Variants in CCDC3 observed in about 807,000 individuals in gnomAD.
CCDC3 encodes the protein coiled-coil domain-containing protein 3.
CCDC3 carries 24 observed loss-of-function variants against 21.4 expected under a neutral mutation model. The ratio of observed to expected loss-of-function variants is 1.12; its 90% CI spans 0.81 to 1.58. CCDC3 has a LOEUF of 1.58. Ranked by LOEUF, CCDC3 falls within the 40% of genes most tolerant of loss-of-function variation. The pLI, the probability that CCDC3 is intolerant of heterozygous loss-of-function variation, is 0.00. For synonymous variants in CCDC3, 186 were observed against 166.0 expected (o/e 1.12, Z -0.93); for missense variants, 425 against 360.9 (o/e 1.18, Z -1.44).
intron 2 of CCDC3, among the ~76,000 whole-genome samples, chr10:12,911,885 T>G (rs1834276295): frequency 6.6e-6 from 1 of 152,220 alleles, no homozygotes; most frequent in Non-Finnish European, 1.5e-5. Flanking sequence ...ATTCTACATT[T>G]AAATATTAAT....
intron 2 of CCDC3, among the ~76,000 whole-genome samples, chr10:12,975,253 T>G (rs753824389): frequency 1.3e-5 from 2 of 152,090 alleles, no homozygotes; most frequent in Non-Finnish European, 2.9e-5. Flanking sequence ...TCTGCCCATT[T>G]CACAACACTG....
rs542981585 is a variant in CCDC3, at chr10:12,929,146, C to T, written c.550-30467G>A. Among the ~76,000 whole-genome samples the T allele has an allele frequency of 9.2e-5, 14 of 151,636 alleles. No individual in the cohort carries two copies. In the South Asian group the frequency reaches 2.5e-3, roughly 27 times the overall value. ...GCGCGATGGCAGGCACCTGTAATCC[C>T]AGCTACTTGGGAGGCTAAGGCAGGA... On this transcript the variant is annotated intron_variant, in intron 2 of 2. Transcript: ENST00000378825.
intron 5 of CCDC3, among the ~76,000 whole-genome samples, chr10:13,043,240 CCA>C (rs1206288028): frequency 1.3e-5 from 2 of 152,166 alleles, no homozygotes; most frequent in Admixed American, 6.5e-5. Context: ...CCAGGAGCCC[CCA>C]GTGTCTACTA....
chr10:12,931,332 A>G (rs1027202578), intron 2 of CCDC3, among the ~76,000 whole-genome samples: 5 of 152,090 alleles, frequency 3.3e-5, no homozygotes, highest in African/African-American at 1.2e-4. Context: ...TTAACTATTT[A>G]CAATGTACAG....
chr10:12,941,187 T>G (rs1375772553), intron 2 of CCDC3, among the ~76,000 whole-genome samples: 1 of 152,130 alleles, frequency 6.6e-6, no homozygotes, highest in Non-Finnish European at 1.5e-5. Context: ...CCTCTGGTGG[T>G]CCTCACTGCT....
intron 3 of CCDC3, among the ~76,000 whole-genome samples, chr10:13,097,594 C>T (rs551830794): frequency 1.3e-5 from 2 of 152,278 alleles, no homozygotes; most frequent in African/African-American, 4.8e-5. Context: ...TGTGGTGGCA[C>T]ACGCCTGTAA....
At chr10:13,048,928 T>C (rs940456114) in intron 5 of CCDC3, among the ~76,000 whole-genome samples, 2 of 152,166 alleles carry the variant, frequency 1.3e-5, no homozygotes, top group African/African-American at 4.8e-5. Context: ...ATATTTTCCA[T>C]TTTTCATTGC....
intron 2 of CCDC3, among the ~76,000 whole-genome samples, chr10:12,983,121 T>A (rs1347307898): frequency 6.6e-5 from 7 of 105,694 alleles, no homozygotes; most frequent in Admixed American, 1.0e-4. Context: ...AATAAATAAA[T>A]AAAATAGTGT....
At chr10:12,986,847 A>C (rs1225161998) in intron 2 of CCDC3, among the ~76,000 whole-genome samples, 3 of 152,238 alleles carry the variant, frequency 2.0e-5, no homozygotes, top group Non-Finnish European at 4.4e-5. Context: ...AAAATGTAAC[A>C]ATAATATAGC....
At chr10:13,048,393 C>T (rs906428592) in intron 5 of CCDC3, among the ~76,000 whole-genome samples, 22 of 152,026 alleles carry the variant, frequency 1.4e-4, no homozygotes, top group South Asian at 2.1e-4. Flanking sequence ...GGGGTTTCAC[C>T]ATGTTGGCCA....
At chr10:12,947,938 G>A (rs1167232860) in intron 2 of CCDC3, among the ~76,000 whole-genome samples, 1 of 152,180 alleles carries the variant, frequency 6.6e-6, no homozygotes, top group African/African-American at 2.4e-5. Context: ...GACCCAAGAT[G>A]TCTCACCTAT....
intron 5 of CCDC3, among the ~76,000 whole-genome samples, chr10:13,012,192 A>G (rs572866847): frequency 1.3e-5 from 2 of 152,358 alleles, no homozygotes; most frequent in Admixed American, 6.5e-5. Flanking sequence ...GCAAAAATTG[A>G]CAAATGAGAC....
At position 13,051,215 on chromosome 10, in the gene CCDC3, G is replaced by A. The variant is rs192556374; in HGVS notation, c.-269-1274C>T. Among the ~76,000 whole-genome samples, 6 of 151,440 alleles carry A rather than the reference G, an allele frequency of 4.0e-5. No homozygotes were observed. The East Asian group carries it at 1.2e-3, about 29-fold the overall frequency. On this transcript the variant is annotated intron_variant, in intron 4 of 6. Coordinates refer to the CCDC3 transcript ENST00000378839. ...ACTCTATTCTATCTTATTTATTTTG[G>A]TCACAGCCTGCAAATTAGTGGGGAG...
intron 2 of CCDC3, among the ~76,000 whole-genome samples, chr10:12,993,457 A>T (rs1305526225): frequency 6.6e-6 from 1 of 151,664 alleles, no homozygotes; most frequent in Non-Finnish European, 1.5e-5. Context: ...AAATGATAGC[A>T]AGATCTCCAC....
intron 3 of CCDC3, among the ~76,000 whole-genome samples, chr10:13,075,772 G>A (rs1218474189): frequency 6.6e-6 from 1 of 152,142 alleles, no homozygotes; most frequent in Non-Finnish European, 1.5e-5. Context: ...AGGCGCACGG[G>A]CATGGTGGCT....
At chr10:13,046,710 A>G (rs1287047913) in intron 5 of CCDC3, among the ~76,000 whole-genome samples, 2 of 52,148 alleles carry the variant, frequency 3.8e-5, no homozygotes, top group Non-Finnish European at 9.9e-5. Flanking sequence ...TCCGTCTCAA[A>G]AAAAAAAAAA....
At chr10:13,091,658 A>G (rs1159567348) in intron 3 of CCDC3, among the ~76,000 whole-genome samples, 1 of 152,160 alleles carries the variant, frequency 6.6e-6, no homozygotes, top group African/African-American at 2.4e-5. Flanking sequence ...TCATCTCCTC[A>G]GGTACATCTC....
At chr10:13,094,173 T>C (rs888138246) in intron 3 of CCDC3, among the ~76,000 whole-genome samples, 2 of 152,142 alleles carry the variant, frequency 1.3e-5, no homozygotes, top group African/African-American at 4.8e-5. Context: ...TCTTATCTAT[T>C]ATTTACAGAG....
At chr10:12,900,953 A>G (rs1299842177) in intron 2 of CCDC3, among the ~76,000 whole-genome samples, 3 of 152,270 alleles carry the variant, frequency 2.0e-5, no homozygotes, top group Non-Finnish European at 4.4e-5. Flanking sequence ...GATAGCCGAT[A>G]GCCCTAAGCT....
Sources: gnomAD v4.1 joint callset for allele counts (sites outside exome capture counted in the v4.1 genomes callset) on GRCh38, gnomAD v4.1.1 for gene constraint, MANE v1.5 for transcripts, NCBI Gene and HGNC (gene_info 2026-07-23, HGNC 2026-07-21) for gene names.